GEMIN2: variants seen among roughly 807,000 people sequenced by gnomAD.
GEMIN2 encodes gem-associated protein 2.
In GEMIN2, 37 loss-of-function variants were observed where a neutral mutation model predicts 45.8. The ratio of observed to expected loss-of-function variants is 0.81; its 90% CI spans 0.62 to 1.06. The LOEUF is 1.06. GEMIN2 is among the 50% of genes least tolerant of loss of function. The pLI, the probability that GEMIN2 is intolerant of heterozygous loss-of-function variation, is 0.00. For missense variants in GEMIN2, 335 were observed against 321.8 expected, an observed-to-expected ratio of 1.04 and a Z score of -0.31; for synonymous variants, 101 against 111.5, an observed-to-expected ratio of 0.91 and a Z score of 0.60.
Position 39,125,003 on chromosome 14 carries a change from T to C in GEMIN2, c.498T>C (p.Pro166=), listed in dbSNP as rs757976917. 1.1e-5 allele frequency: 17 copies of C among 1,478,298 alleles called. No individual in the cohort carries two copies. The African/African-American group carries it at 2.4e-4, about 20-fold the overall frequency. The allele number at this position is 1,478,298 out of a possible 1,614,324, so 91.6% of individuals were successfully genotyped here. Residue 166 remains proline (P), a synonymous_variant, in exon 6 of 10, where the codon CCT becomes CCC. Transcript: ENST00000308317. The stretch of plus-strand genomic sequence containing the variant: ...ATTTTTTCTTTCAGATTGGTTTTCC[T>C]CCCTTGCTTAGTATTGTTAGCAGAA... ...PGIDYVQIGF[P]PLLSIVSRMN...
intron 4 of GEMIN2, among the ~76,000 whole-genome samples, chr14:39,122,190 G>A (rs1332315249): frequency 6.6e-6 from 1 of 151,886 alleles, no homozygotes; most frequent in African/African-American, 2.4e-5. Context: ...TCACCCTAAT[G>A]GCCTCAATTT....
chr14:39,132,021 C>G lies in GEMIN2; in HGVS notation c.664C>G (p.Leu222Val). Reference protein sequence around the residue: ...EKPLLPEAHSLIRQLARRCSE... With the variant: ...EKPLLPEAHSVIRQLARRCSE... ...GCCTTTGTTACCTGAGGCTCATTCA[C>G]TGATTCGGCAGCTTGCAAGAAGGTG... The change falls in exon 8 of 10, where the codon CTG becomes GTG. Residue 222 changes from leucine to valine, a missense_variant. Leu to Val is a conservative substitution (Grantham distance 32, BLOSUM62 1). Transcript: ENST00000308317. 3 of 1,603,744 alleles carry G rather than the reference C, an allele frequency of 1.9e-6. No individual in the cohort carries two copies. The highest frequency in any genetic ancestry group is 2.6e-6 in the Non-Finnish European group (3 of 1,170,762).
chr14:39,124,937 A>G, intron 5 of GEMIN2, 55 bp from the exon 6 acceptor site: 1 of 895,912 alleles, frequency 1.1e-6, no homozygotes, highest in Non-Finnish European at 1.8e-6. Context: ...TTTGAAAAAA[A>G]AAAATGAAGC....
At chr14:39,117,917 G>C (rs2052529579) in intron 2 of GEMIN2, 82 bp from the exon 3 acceptor site, 1 of 615,708 alleles carries the variant, frequency 1.6e-6, no homozygotes, top group Middle Eastern at 2.9e-4. Context: ...CTTTATCTTG[G>C]TTTTACTTTT....
intron 6 of GEMIN2, among the ~76,000 whole-genome samples, chr14:39,127,336 GTTTTTTTTTTT>G (rs760931815): frequency 1.8e-5 from 1 of 56,044 alleles, no homozygotes; most frequent in Admixed American, 2.6e-4. Flanking sequence ...GTGTGCCATT[GTTTTTTTTTTT>G]TTTTTTTTTT....
intron 5 of GEMIN2, among the ~76,000 whole-genome samples, chr14:39,123,559 C>T (rs2052600374): frequency 6.6e-6 from 1 of 151,472 alleles, no homozygotes; most frequent in Non-Finnish European, 1.5e-5. Flanking sequence ...GGGAAACAAG[C>T]ACTCTTAGAC....
At position 39,128,310 on chromosome 14, in the gene GEMIN2, A is replaced by G. The variant is rs781265566; in HGVS notation, c.562A>G (p.Ser188Gly). The change falls in exon 7 of 10, where the codon AGT (serine) becomes GGT (glycine). Residue 188 changes from serine to glycine, a missense_variant. Transcript: ENST00000308317. ...ATVTSVLEYLSNWFGERDFTP... is the reference protein window; with the variant it reads ...ATVTSVLEYLGNWFGERDFTP... ...AGTAACTAGTGTCTTGGAATATCTGAGTAATTGGTTTGGAGAAAGAGACTT... is the reference window on the plus strand; with the variant it reads ...AGTAACTAGTGTCTTGGAATATCTGGGTAATTGGTTTGGAGAAAGAGACTT... 3 of 1,579,310 alleles carry G rather than the reference A, an allele frequency of 1.9e-6. No individual in the cohort carries two copies. In the Admixed American group the frequency reaches 5.1e-5, roughly 27 times the overall value.
intron 8 of GEMIN2, among the ~76,000 whole-genome samples, chr14:39,133,026 G>GTGTGTA (rs1555334582): frequency 2.3e-5 from 3 of 132,348 alleles, no homozygotes; most frequent in South Asian, 2.3e-4. Flanking sequence ...GTGTGTGTGT[G>GTGTGTA]TATATATATA....
chr14:39,128,438 A>T, intron 7 of GEMIN2, 90 bp downstream of exon 7: 7 of 618,022 alleles, frequency 1.1e-5, no homozygotes, highest in East Asian at 3.1e-5. Context: ...GTGCTCCTAT[A>T]GGATTATAAT....
At chr14:39,118,884 C>T (rs2052544220) in intron 4 of GEMIN2, among the ~76,000 whole-genome samples, 1 of 151,166 alleles carries the variant, frequency 6.6e-6, no homozygotes, top group South Asian at 2.1e-4. Context: ...AAGTGATCCT[C>T]CCACCACCGC....
chr14:39,131,342 T>C (rs1230725272), intron 7 of GEMIN2, among the ~76,000 whole-genome samples: 1 of 152,122 alleles, frequency 6.6e-6, no homozygotes, highest in African/African-American at 2.4e-5. Flanking sequence ...AACAAGAACA[T>C]TTTTAAAGTG....
chr14:39,123,687 TATATA>T, intron 5 of GEMIN2, among the ~76,000 whole-genome samples: 1 of 20,674 alleles, frequency 4.8e-5, no homozygotes, highest in African/African-American at 1.2e-4. Context: ...CAAAAATAGC[TATATA>T]TATATATATA....
intron 2 of GEMIN2, among the ~76,000 whole-genome samples, chr14:39,116,586 A>C (rs2052510464): frequency 7.0e-6 from 1 of 143,150 alleles, no homozygotes; most frequent in South Asian, 2.3e-4. Flanking sequence ...CATTTTAAAT[A>C]GTTGATAGTA....
chr14:39,128,828 G>A (rs180819789), intron 7 of GEMIN2, among the ~76,000 whole-genome samples: 7 of 151,872 alleles, frequency 4.6e-5, no homozygotes, highest in East Asian at 1.9e-4. Context: ...AAATAGAGAC[G>A]AGGTCTCACC....
chr14:39,114,963 G>C (rs1187871962), intron 2 of GEMIN2, 50 bp downstream of exon 2: 3 of 842,290 alleles, frequency 3.6e-6, no homozygotes, highest in African/African-American at 3.3e-5. Flanking sequence ...CCAATTAAAA[G>C]ACTAACGCTC....
chr14:39,114,760 G>C, intron 1 of GEMIN2, 69 bp from the exon 2 acceptor site: 1 of 891,022 alleles, frequency 1.1e-6, no homozygotes, highest in Admixed American at 2.0e-5. Flanking sequence ...GAAGTGGATC[G>C]CTTGTTTTAC....
At chr14:39,122,089 G>A (rs961376182) in intron 4 of GEMIN2, 8 of 198,446 alleles carry the variant, frequency 4.0e-5, no homozygotes, top group African/African-American at 9.5e-5. Flanking sequence ...GTTTTCTCAC[G>A]TGGTCTTTCC....
intron 2 of GEMIN2, among the ~76,000 whole-genome samples, chr14:39,115,804 T>A (rs907017212): frequency 6.6e-6 from 1 of 152,156 alleles, no homozygotes; most frequent in African/African-American, 2.4e-5. Flanking sequence ...ATTTATTTAT[T>A]TATCCAGCAC....
rs35221397 is a variant in GEMIN2 at position 39,119,556 on chromosome 14, G to GA, written c.372+965dup. On this transcript the variant is annotated intron_variant, in intron 4 of 9. Coordinates refer to ENST00000308317, the MANE Select transcript of GEMIN2 (RefSeq NM_003616.3). ...AATGAAAGCTATTTATCTTCAGAGG[G>GA]AAAAAAAATGCACCTATGCACAACA... Among the ~76,000 whole-genome samples, 9 of 151,952 alleles carry GA rather than the reference G, an allele frequency of 5.9e-5. No individual in the cohort carries two copies. In the South Asian group the frequency reaches 6.2e-4, roughly 10 times the overall value.
Sources: allele counts gnomAD v4.1 joint callset (sites outside exome capture counted in the v4.1 genomes callset), GRCh38; gene constraint gnomAD v4.1.1; transcripts MANE v1.5; gene names NCBI Gene and HGNC (gene_info 2026-07-23, HGNC 2026-07-21).